IL16: variants seen among roughly 807,000 people sequenced by gnomAD.
IL16 encodes pro-interleukin-16.
A neutral mutation model predicts 110.1 loss-of-function variants in IL16; 67 were observed. The observed-to-expected ratio is 0.61, with a 90% confidence interval of 0.50 to 0.75. The LOEUF (loss-of-function observed/expected upper bound fraction) is 0.75, where lower values mean the gene tolerates loss of function less well. Ranked by LOEUF, IL16 falls within the 30% of genes least tolerant of loss-of-function variation. IL16 has a pLI of 0.00. For synonymous variants in IL16, 689 were observed against 662.9 expected (o/e 1.04, Z -0.61); for missense variants, 1,545 against 1,655.0 (o/e 0.93, Z 1.15).
intron 1 of IL16, among the ~76,000 whole-genome samples, chr15:81,202,170 A>G (rs1189685426): frequency 6.6e-6 from 1 of 152,218 alleles, no homozygotes; most frequent in Non-Finnish European, 1.5e-5. Flanking sequence ...GATAGAGGCC[A>G]TTCGCCAAGC....
chr15:81,249,032 TG>T (rs199511894), intron 2 of IL16, among the ~76,000 whole-genome samples: 3,075 of 152,242 alleles, frequency 0.02, 64 homozygotes, highest in African/African-American at 0.062. Context: ...GACCTATTTC[TG>T]TGATTTTATG....
intron 1 of IL16, among the ~76,000 whole-genome samples, chr15:81,214,229 C>T (rs139797156): frequency 1.4e-4 from 21 of 152,228 alleles, no homozygotes; most frequent in Admixed American, 1.4e-3. Flanking sequence ...TAGCTATATG[C>T]TTAAGTGTGT....
chr15:81,307,354 G>A (rs540920770), intron 18 of IL16, among the ~76,000 whole-genome samples: 1 of 152,304 alleles, frequency 6.6e-6, no homozygotes, highest in East Asian at 1.9e-4. Flanking sequence ...AAGAGGTACA[G>A]GTGTGTGTCT....
intron 13 of IL16, among the ~76,000 whole-genome samples, chr15:81,298,368 C>T (rs1177977713): frequency 6.6e-6 from 1 of 152,220 alleles, no homozygotes; most frequent in Non-Finnish European, 1.5e-5. Context: ...CACAGGCCAG[C>T]CTCCCTCTGC....
At chr15:81,260,727 G>A (rs867579805) in intron 3 of IL16, among the ~76,000 whole-genome samples, 5 of 152,160 alleles carry the variant, frequency 3.3e-5, no homozygotes, top group East Asian at 1.9e-4. Context: ...TCTGGGTCCC[G>A]CTTCCAGAAC....
chr15:81,199,030 A>AAAAAT lies in IL16; in HGVS notation c.-102+1879_-102+1880insAAATA, dbSNP rs1555411597. On this transcript the variant is annotated intron_variant, in intron 1 of 18. Transcript: ENST00000683961. ...GGGAGACTCCATCTCAAAAAAAAAA[A>AAAAAT]ATATATATATATATATATATATATA... Among the ~76,000 whole-genome samples the AAAAAT allele has an allele frequency of 3.9e-4, 41 of 104,136 alleles. 1 individual carries two copies. The highest frequency in any genetic ancestry group is 2.8e-3 in the Admixed American group (30 of 10,650). The allele number at this position is 104,136 out of a possible 152,430, so 68.3% of individuals were successfully genotyped here. A position where few individuals can be genotyped will look rare whatever the true frequency, so the allele number is the denominator to read the frequency against.
intron 11 of IL16, 169 bp from the exon 12 acceptor site, chr15:81,292,387 C>A: frequency 2.1e-6 from 2 of 960,142 alleles, no homozygotes; most frequent in Non-Finnish European, 3.3e-6. Context: ...TCATACAGCT[C>A]GCCAGGGACC....
intron 2 of IL16, among the ~76,000 whole-genome samples, chr15:81,243,922 A>T (rs1897441723): frequency 6.6e-6 from 1 of 152,104 alleles, no homozygotes; most frequent in Non-Finnish European, 1.5e-5. Context: ...TGATATTAGT[A>T]ATTTGTGTCT....
rs748773612 is a variant in IL16 at position 81,279,607 on chromosome 15, C to G, written c.914C>G (p.Ala305Gly). ...CTCACCGTGAGAACCCGCCTGACGG[C>G]GCCTCCTTCCCTGTGCAGCCACCTG... The part of the protein sequence containing the change: ...LTLTVRTRLT[A>G]PPSLCSHLSP... Residue 305 changes from alanine to glycine, a missense_variant, in exon 8 of 19, where the codon GCG becomes GGG. Physicochemically the swap from Ala to Gly is moderately conservative, Grantham distance 60. Coordinates refer to ENST00000683961, the MANE Select transcript of IL16 (RefSeq NM_172217.5). 1 of 1,614,008 alleles carries G rather than the reference C, an allele frequency of 6.2e-7. No individual in the cohort carries two copies. The highest frequency in any genetic ancestry group is 1.7e-5 in the Admixed American group (1 of 60,036).
chr15:81,298,370 T>C (rs1038169471), intron 13 of IL16, among the ~76,000 whole-genome samples: 5 of 152,170 alleles, frequency 3.3e-5, no homozygotes, highest in Admixed American at 2.6e-4. Flanking sequence ...CAGGCCAGCC[T>C]CCCTCTGCCC....
chr15:81,279,689 C>T lies in IL16; in HGVS notation c.996C>T (p.Ser332=), dbSNP rs1899082474. 1 of 1,614,250 alleles carries T rather than the reference C, an allele frequency of 6.2e-7. No homozygotes were observed. Among genetic ancestry groups the T allele is most frequent in the East Asian group, 2.2e-5 (1 of 44,876 alleles). The stretch of plus-strand genomic sequence containing the variant: ...GCACTTGTATCACCAAGGACAGCAG[C>T]TCCTTCGCCTTGGAAAGCCCCTCGG... The part of the protein sequence containing the change: ...SSSTCITKDS[S]SFALESPSAP... Residue 332 remains serine (S), a synonymous_variant, in exon 8 of 19, where the codon AGC becomes AGT. Transcript: ENST00000683961.
rs1168204326 is a variant in IL16 at position 81,279,547 on chromosome 15, C to T, written c.865-11C>T. On this transcript the variant is annotated splice_polypyrimidine_tract_variant and intron_variant, in intron 7 of 18. Transcript: ENST00000683961. ...GCTGCTGGGTGTTGTAGCCCTCTCT[C>T]TTTCTTTCAGCAAGCCAAAAAGGGG... 4 of 1,606,460 alleles carry T rather than the reference C, an allele frequency of 2.5e-6. No individual in the cohort carries two copies. The highest frequency in any genetic ancestry group is 2.5e-6 in the Non-Finnish European group (3 of 1,176,808).
chr15:81,203,791 A>T (rs960898237), intron 1 of IL16, among the ~76,000 whole-genome samples: 5 of 152,134 alleles, frequency 3.3e-5, no homozygotes, highest in Admixed American at 6.5e-5. Flanking sequence ...CTTAGGATTG[A>T]CTTGGCAATG....
intron 2 of IL16, among the ~76,000 whole-genome samples, chr15:81,236,142 G>A (rs540431310): frequency 2.0e-5 from 3 of 152,354 alleles, no homozygotes; most frequent in Admixed American, 2.0e-4. Flanking sequence ...GATGAGGTCA[G>A]ATCAGTCGTC....
Position 81,243,173 on chromosome 15 carries a change from T to A in IL16, c.313-16599T>A, listed in dbSNP as rs1384194270. ...TATATATATATATATATTTTTTTTTTTTTTTTTTTTTTTTTTTTTTGAGGC... is the reference window on the plus strand; with the variant it reads ...TATATATATATATATATTTTTTTTTATTTTTTTTTTTTTTTTTTTTGAGGC... On this transcript the variant is annotated intron_variant, in intron 2 of 18. Transcript: ENST00000683961. Among the ~76,000 whole-genome samples the A allele has an allele frequency of 4.1e-3, 223 of 54,534 alleles. 1 individual carries two copies. The highest frequency in any genetic ancestry group is 0.011 in the African/African-American group (179 of 16,096). 35.8% of individuals were successfully genotyped at this position (54,534 alleles called of 152,430 possible).
chr15:81,211,634 G>A lies in IL16; in HGVS notation c.-101-13665G>A, dbSNP rs4402520. Reference sequence around the variant, plus strand: ...AACTCCTGGGCTTAAGCAATCTGCCGCTCTTGGCCTCCCAAAGTGCTAGAA... The same window carrying A: ...AACTCCTGGGCTTAAGCAATCTGCCACTCTTGGCCTCCCAAAGTGCTAGAA... On this transcript the variant is annotated intron_variant, in intron 1 of 18. Coordinates refer to ENST00000683961, the MANE Select transcript of IL16 (RefSeq NM_172217.5). Among the ~76,000 whole-genome samples, 561 of 152,086 alleles carry A rather than the reference G, an allele frequency of 3.7e-3. 2 individuals are homozygous for A. Among genetic ancestry groups the A allele is most frequent in the Middle Eastern group, 6.8e-3 (2 of 294 alleles).
At chr15:81,271,342 A>G (rs1201779772) in intron 5 of IL16, among the ~76,000 whole-genome samples, 1 of 152,016 alleles carries the variant, frequency 6.6e-6, no homozygotes, top group African/African-American at 2.4e-5. Flanking sequence ...GTATGCTGGC[A>G]CATGCCTGTA....
At chr15:81,256,428 G>T (rs186249679) in intron 2 of IL16, among the ~76,000 whole-genome samples, 1 of 149,828 alleles carries the variant, frequency 6.7e-6, no homozygotes, top group Non-Finnish European at 1.5e-5. Context: ...CTGCCTCCCA[G>T]GTTTATGTGA....
rs373633793 is a variant in IL16, at chr15:81,209,803, G to A, written c.-102+12651G>A. Among the ~76,000 whole-genome samples the A allele has an allele frequency of 1.7e-4, 26 of 152,274 alleles. No individual in the cohort carries two copies. The South Asian group carries it at 3.5e-3, about 21-fold the overall frequency. Reference sequence around the variant, plus strand: ...CTCGCCAGTGGCCCTGCACCCAGGCGTGACTCAGTTGGCCCAGATGAACTC... The same window carrying A: ...CTCGCCAGTGGCCCTGCACCCAGGCATGACTCAGTTGGCCCAGATGAACTC... On this transcript the variant is annotated intron_variant, in intron 1 of 18. Transcript: ENST00000683961.
Sources: gnomAD v4.1 joint callset for allele counts (sites outside exome capture counted in the v4.1 genomes callset) on GRCh38, gnomAD v4.1.1 for gene constraint, MANE v1.5 for transcripts, NCBI Gene and HGNC (gene_info 2026-07-23, HGNC 2026-07-21) for gene names.